Variants in AHI1 observed in about 807,000 individuals in gnomAD.
AHI1 encodes the protein jouberin.
A neutral mutation model predicts 149.3 loss-of-function variants in AHI1; 123 were observed. The ratio of observed to expected loss-of-function variants is 0.82; its 90% CI spans 0.71 to 0.96. The LOEUF (loss-of-function observed/expected upper bound fraction) is 0.96. Ranked by LOEUF, AHI1 falls within the 40% of genes least tolerant of loss-of-function variation. AHI1 has a pLI of 0.00. For synonymous variants in AHI1, 475 were observed against 459.8 expected (o/e 1.03, Z -0.42); for missense variants, 1,439 against 1,422.7 (o/e 1.01, Z -0.18).
chr6:135,346,663 C>T (rs932692938), intron 24 of AHI1, among the ~76,000 whole-genome samples: 2 of 152,134 alleles, frequency 1.3e-5, no homozygotes. Flanking sequence ...TAAGTGTATA[C>T]AGTGAGCTTA....
At chr6:135,314,883 C>T (rs1785711908) in intron 26 of AHI1, among the ~76,000 whole-genome samples, 1 of 152,186 alleles carries the variant, frequency 6.6e-6, no homozygotes, top group Non-Finnish European at 1.5e-5. Context: ...ACCTTGTGGT[C>T]ATTCTAACAC....
At chr6:135,455,630 C>A in intron 10 of AHI1, 104 bp downstream of exon 10, 1 of 907,626 alleles carries the variant, frequency 1.1e-6, no homozygotes, top group Non-Finnish European at 1.5e-6. Flanking sequence ...AATTCTCACA[C>A]AACTTTTTTT....
At chr6:135,453,956 A>C (rs2128072294) in intron 10 of AHI1, among the ~76,000 whole-genome samples, 1 of 152,286 alleles carries the variant, frequency 6.6e-6, no homozygotes, top group East Asian at 1.9e-4. Context: ...CCTGCCACAG[A>C]GATCGTATTC....
In AHI1 at chr6:135,380,825, G is replaced by C. The variant is rs189383292; in HGVS notation, c.3109+13951C>G. Among the ~76,000 whole-genome samples the C allele has an allele frequency of 2.1e-3, 304 of 147,036 alleles. 4 individuals carry two copies. The highest frequency in any genetic ancestry group is 6.9e-3 in the African/African-American group (277 of 39,928). ...TGGTCCATTACATTGGTATGGTATT[G>C]AGAATGTGAGATGGTGTGAACCCAT... On this transcript the variant is annotated intron_variant, in intron 23 of 28. Transcript: ENST00000265602.
rs370059449 is a variant in AHI1 at position 135,466,342 on chromosome 6, A to T, written c.221T>A (p.Ile74Asn). The T allele has an allele frequency of 3.8e-5, 62 of 1,613,692 alleles. No individual in the cohort carries two copies. In the African/African-American group the frequency reaches 6.7e-4, roughly 17 times the overall value. The change falls in exon 7 of 29, where the codon ATT (isoleucine) becomes AAT (asparagine). Residue 74 changes from isoleucine to asparagine, a missense_variant. Coordinates refer to ENST00000265602, the MANE Select transcript of AHI1 (RefSeq NM_001134831.2). ...TACATCATCACTTGTAGTTTCTTTA[A>T]TATGGGGAAGATTGCTTCTAATAGT... Reference protein sequence around the residue: ...PDTIRSNLPHIKETTSDDVSA... With the variant: ...PDTIRSNLPHNKETTSDDVSA...
chr6:135,418,563 T>G (rs1170653178), intron 20 of AHI1, among the ~76,000 whole-genome samples: 1 of 152,088 alleles, frequency 6.6e-6, no homozygotes, highest in Non-Finnish European at 1.5e-5. Context: ...ACGGAGGAAA[T>G]AAGATATTTT....
intron 14 of AHI1, among the ~76,000 whole-genome samples, chr6:135,439,900 G>A (rs1786014929): frequency 6.6e-6 from 1 of 151,976 alleles, no homozygotes; most frequent in Non-Finnish European, 1.5e-5. Context: ...AAGAATCTTA[G>A]AAAAAATCTC....
intron 4 of AHI1, among the ~76,000 whole-genome samples, chr6:135,491,587 T>G (rs1288583666): frequency 6.6e-6 from 1 of 152,210 alleles, no homozygotes; most frequent in African/African-American, 2.4e-5. Flanking sequence ...TATAATTATT[T>G]TTATATCTAT....
chr6:135,492,260 T>G lies in AHI1; in HGVS notation c.-23A>C. ...CATCTCTCAGCTTTATGCAGAGGACTGAGAATGCAAAGCATTGACTCAATC... is the reference window on the plus strand; with the variant it reads ...CATCTCTCAGCTTTATGCAGAGGACGGAGAATGCAAAGCATTGACTCAATC... On this transcript the variant is annotated 5_prime_UTR_variant, in exon 4 of 29. Transcript: ENST00000265602. The G allele has an allele frequency of 6.5e-7, 1 of 1,537,796 alleles. No individual in the cohort carries two copies. The highest frequency in any genetic ancestry group is 8.8e-7 in the Non-Finnish European group (1 of 1,139,704).
At chr6:135,426,749 C>A (rs1036781619) in intron 20 of AHI1, among the ~76,000 whole-genome samples, 1 of 151,514 alleles carries the variant, frequency 6.6e-6, no homozygotes, top group African/African-American at 2.4e-5. Context: ...AGTGTAATTG[C>A]GGACACGAAA....
chr6:135,288,592 ATTT>A lies in AHI1; in HGVS notation c.3588+1828_3588+1830del, dbSNP rs769042061. On this transcript the variant is annotated intron_variant, in intron 28 of 28. Transcript: ENST00000265602. ...ATATTATATAAACTATTTTATAATC[ATTT>A]TTTACTTAAAAATCATAAACATCTT... Among the ~76,000 whole-genome samples the A allele has an allele frequency of 3.3e-5, 5 of 152,122 alleles. No individual in the cohort carries two copies. The East Asian group carries it at 9.6e-4, about 29-fold the overall frequency.
chr6:135,460,911 T>C (rs908807648), intron 8 of AHI1, among the ~76,000 whole-genome samples: 1 of 152,152 alleles, frequency 6.6e-6, no homozygotes, highest in African/African-American at 2.4e-5. Flanking sequence ...ATCATAAACA[T>C]AAACCAATTC....
intron 13 of AHI1, among the ~76,000 whole-genome samples, chr6:135,444,180 C>T (rs1369372781): frequency 1.3e-5 from 2 of 152,020 alleles, no homozygotes; most frequent in African/African-American, 4.8e-5. Flanking sequence ...ATTCATTAGA[C>T]CCTCATCACC....
At chr6:135,438,083 G>A (rs973963686) in intron 15 of AHI1, among the ~76,000 whole-genome samples, 3 of 152,042 alleles carry the variant, frequency 2.0e-5, no homozygotes, top group Admixed American at 1.3e-4. Context: ...AATCTCAAGT[G>A]TTTAATAACC....
At chr6:135,362,830 G>A (rs935531616) in intron 23 of AHI1, among the ~76,000 whole-genome samples, 1 of 151,916 alleles carries the variant, frequency 6.6e-6, no homozygotes, top group Non-Finnish European at 1.5e-5. Flanking sequence ...TGTTTACTCT[G>A]CTGATTCTTT....
chr6:135,307,928 C>T (rs919185293), intron 26 of AHI1, among the ~76,000 whole-genome samples: 5 of 152,182 alleles, frequency 3.3e-5, no homozygotes, highest in African/African-American at 1.2e-4. Context: ...TTATAATGCA[C>T]AGCATATTCC....
intron 8 of AHI1, among the ~76,000 whole-genome samples, chr6:135,458,530 G>A (rs1164032826): frequency 6.6e-6 from 1 of 152,154 alleles, no homozygotes; most frequent in East Asian, 1.9e-4. Flanking sequence ...AATAGGCAAA[G>A]GTGAAGCCCT....
chr6:135,494,747 A>G (rs1795740174), intron 3 of AHI1, among the ~76,000 whole-genome samples: 1 of 152,236 alleles, frequency 6.6e-6, no homozygotes, highest in African/African-American at 2.4e-5. Flanking sequence ...GATAGTTCCA[A>G]GAAAATAAAA....
At chr6:135,369,124 T>G (rs897410285) in intron 23 of AHI1, among the ~76,000 whole-genome samples, 12 of 152,232 alleles carry the variant, frequency 7.9e-5, no homozygotes, top group Admixed American at 7.9e-4. Context: ...CCCCTATATT[T>G]CACTCGGCTC....
Sources: gnomAD v4.1 joint callset for allele counts (sites outside exome capture counted in the v4.1 genomes callset) on GRCh38, gnomAD v4.1.1 for gene constraint, MANE v1.5 for transcripts, NCBI Gene and HGNC (gene_info 2026-07-23, HGNC 2026-07-21) for gene names.